Variants in COPS7B observed in about 807,000 individuals in gnomAD.
The protein encoded by COPS7B is COP9 signalosome complex subunit 7b.
A neutral mutation model predicts 33.4 loss-of-function variants in COPS7B; 9 were observed. That is an observed-to-expected ratio of 0.27 (90% CI 0.16 to 0.47). The LOEUF is 0.47. Ranked by LOEUF, COPS7B falls within the 20% of genes least tolerant of loss-of-function variation. The pLI, the probability that COPS7B is intolerant of heterozygous loss-of-function variation, is 0.99. For synonymous variants in COPS7B, 119 were observed against 126.3 expected, an observed-to-expected ratio of 0.94 and a Z score of 0.39; for missense variants, 242 against 318.2, an observed-to-expected ratio of 0.76 and a Z score of 1.82.
intron 3 of COPS7B, among the ~76,000 whole-genome samples, chr2:231,792,497 C>T (rs1230023998): frequency 6.6e-6 from 1 of 152,096 alleles, no homozygotes; most frequent in East Asian, 1.9e-4. Flanking sequence ...GTCAAACAAA[C>T]AAATAAATAA....
At chr2:231,800,438 ACT>A (rs1329291240) in intron 6 of COPS7B, among the ~76,000 whole-genome samples, 1 of 152,188 alleles carries the variant, frequency 6.6e-6, no homozygotes, top group Non-Finnish European at 1.5e-5. Context: ...TATAAATCAA[ACT>A]CTGTACAAAA....
At position 231,805,431 on chromosome 2, in the gene COPS7B, A is replaced by AT. The variant is rs1031515713; in HGVS notation, c.637-2047dup. Among the ~76,000 whole-genome samples, 607 of 118,814 alleles carry AT rather than the reference A, an allele frequency of 5.1e-3. 6 individuals are homozygous for AT. The highest frequency in any genetic ancestry group is 5.9e-3 in the Non-Finnish European group (335 of 56,822). The allele number at this position is 118,814 out of a possible 152,430, so 77.9% of individuals were successfully genotyped here. ...CTGTTTATTATATATATATATATAT[A>AT]TTTTTTTTTAAATTTTATATATATA... On this transcript the variant is annotated intron_variant, in intron 6 of 6. Transcript: ENST00000350033.
chr2:231,786,831 C>T (rs985784503), intron 1 of COPS7B, among the ~76,000 whole-genome samples: 9 of 152,242 alleles, frequency 5.9e-5, no homozygotes, highest in Non-Finnish European at 1.2e-4. Context: ...AAATAGCGCC[C>T]TCCCCTGACG....
intron 2 of COPS7B, chr2:231,789,659 G>A (rs371473018): frequency 2.6e-5 from 4 of 152,650 alleles, no homozygotes; most frequent in South Asian, 4.2e-4. Flanking sequence ...TTTGCATATA[G>A]GAGGTGGTTT....
chr2:231,801,630 CTTT>C (rs199606465), intron 6 of COPS7B, among the ~76,000 whole-genome samples: 4 of 131,006 alleles, frequency 3.1e-5, no homozygotes, highest in East Asian at 2.2e-4. Context: ...TTTTTCTTTT[CTTT>C]TTTTTTTTTT....
Position 231,805,811 on chromosome 2 carries a change from A to AT in COPS7B, c.637-1659dup, listed in dbSNP as rs76922839. ...GTGCATGCCACCATACCTGGCTAAA[A>AT]TTTTTTTTTTTTTTTTTAAGAAAGA... On this transcript the variant is annotated intron_variant, in intron 6 of 6. Coordinates refer to ENST00000350033, the MANE Select transcript of COPS7B (RefSeq NM_022730.4). Among the ~76,000 whole-genome samples the AT allele has an allele frequency of 9.4e-3, 1,348 of 142,656 alleles. 17 individuals are homozygous for AT. The highest frequency in any genetic ancestry group is 0.044 in the Middle Eastern group (12 of 270). 93.6% of individuals were successfully genotyped at this position (142,656 alleles called of 152,430 possible).
intron 6 of COPS7B, among the ~76,000 whole-genome samples, chr2:231,805,175 T>A (rs1007405387): frequency 6.6e-6 from 1 of 151,864 alleles, no homozygotes; most frequent in African/African-American, 2.4e-5. Flanking sequence ...TTCTATTTTT[T>A]AAAAAAAGTC....
At chr2:231,782,738 A>G (rs1484357492), upstream of COPS7B, among the ~76,000 whole-genome samples, 1 of 152,248 alleles carries the variant, frequency 6.6e-6, no homozygotes, top group Non-Finnish European at 1.5e-5. Context: ...AATGCTAAGG[A>G]GGCCCTGATG....
rs1012737770 is a variant in COPS7B at position 231,808,062 on chromosome 2, A to G, written c.*417A>G. On this transcript the variant is annotated 3_prime_UTR_variant, in exon 7 of 7. Transcript: ENST00000350033. ...GCCCCTCCCCTTGTGAGGAGGGGGCACTCCTCTCCAGCCCCTGGTACCACA... is the reference window on the plus strand; with the variant it reads ...GCCCCTCCCCTTGTGAGGAGGGGGCGCTCCTCTCCAGCCCCTGGTACCACA... 9.2e-5 allele frequency: 18 copies of G among 196,104 alleles called. No individual in the cohort carries two copies. The Admixed American group carries it at 9.7e-4, about 11-fold the overall frequency. The allele number at this position is 196,104 out of a possible 1,614,324, so 12.1% of individuals were successfully genotyped here. A position where few individuals can be genotyped will look rare whatever the true frequency, so the allele number is the denominator to read the frequency against.
At chr2:231,797,558 A>C (rs2049607594) in intron 5 of COPS7B, among the ~76,000 whole-genome samples, 1 of 152,188 alleles carries the variant, frequency 6.6e-6, no homozygotes, top group African/African-American at 2.4e-5. Flanking sequence ...TCCTGTTTTT[A>C]AGCCCCCAAT....
intron 6 of COPS7B, among the ~76,000 whole-genome samples, chr2:231,800,216 G>A (rs1171278262): frequency 6.6e-6 from 1 of 152,214 alleles, no homozygotes; most frequent in Non-Finnish European, 1.5e-5. Flanking sequence ...TATTGCGTGA[G>A]TCCAGGAGTT....
chr2:231,795,523 AG>A (rs1438053591), intron 4 of COPS7B, among the ~76,000 whole-genome samples: 1 of 152,244 alleles, frequency 6.6e-6, no homozygotes, highest in Non-Finnish European at 1.5e-5. Flanking sequence ...TCTCAAGTGT[AG>A]TAAAGAATGT....
At chr2:231,807,260 C>A (rs778263080) in intron 6 of COPS7B, among the ~76,000 whole-genome samples, 3 of 152,138 alleles carry the variant, frequency 2.0e-5, no homozygotes, top group Non-Finnish European at 2.9e-5. Context: ...GTTCCCCTTC[C>A]ATTTGTTTCA....
At chr2:231,795,197 G>A (rs56375826) in intron 4 of COPS7B, among the ~76,000 whole-genome samples, 27,562 of 152,012 alleles carry the variant, frequency 0.18, 2,838 homozygotes, top group Non-Finnish European at 0.23. Context: ...GGGATTACAG[G>A]CATGAGCCAC....
intron 6 of COPS7B, among the ~76,000 whole-genome samples, chr2:231,799,775 C>T (rs1364724140): frequency 2.0e-5 from 3 of 152,094 alleles, no homozygotes; most frequent in East Asian, 1.9e-4. Flanking sequence ...AATCAGGTGT[C>T]TAAGAGTGGC....
intron 6 of COPS7B, among the ~76,000 whole-genome samples, chr2:231,800,117 A>G (rs973270177): frequency 1.3e-5 from 2 of 152,194 alleles, no homozygotes; most frequent in Non-Finnish European, 2.9e-5. Context: ...TTCATAGACC[A>G]TGTTTAATCC....
intron 6 of COPS7B, among the ~76,000 whole-genome samples, chr2:231,805,176 A>T (rs566087348): frequency 2.2e-4 from 34 of 152,102 alleles, no homozygotes; most frequent in South Asian, 1.7e-3. Context: ...TCTATTTTTT[A>T]AAAAAAGTCT....
intron 6 of COPS7B, among the ~76,000 whole-genome samples, chr2:231,801,696 A>G (rs2049752002): frequency 6.7e-6 from 1 of 150,208 alleles, no homozygotes; most frequent in South Asian, 2.1e-4. Flanking sequence ...TTGAGCGCCT[A>G]ACCTCAAGCT....
chr2:231,786,426 G>A (rs2106303341), upstream of COPS7B: 1 of 985,792 alleles, frequency 1.0e-6, no homozygotes. Flanking sequence ...CGACGGGTCG[G>A]CGGAGACAGA....
Sources: gnomAD v4.1 joint callset for allele counts (sites outside exome capture counted in the v4.1 genomes callset) on GRCh38, gnomAD v4.1.1 for gene constraint, MANE v1.5 for transcripts, NCBI Gene and HGNC (gene_info 2026-07-23, HGNC 2026-07-21) for gene names.